TANC2: variants seen among roughly 807,000 people sequenced by gnomAD.
TANC2 encodes the protein tetratricopeptide repeat, ankyrin repeat and coiled-coil containing 2, also known as protein TANC2.
Under a neutral mutation model 210.5 loss-of-function variants are expected in TANC2, and 26 were observed. That is an observed-to-expected ratio of 0.12 (90% CI 0.09 to 0.17). The LOEUF (loss-of-function observed/expected upper bound fraction) is 0.17. Among genes scored for constraint, TANC2 ranks in the 10% least tolerant of loss-of-function variants. The pLI is 1.00. For missense variants in TANC2, 2,129 were observed against 2,608.9 expected (o/e 0.82, Z 4.01); for synonymous variants, 931 against 967.1 (o/e 0.96, Z 0.69).
intron 4 of TANC2, among the ~76,000 whole-genome samples, chr17:63,139,720 A>T (rs568295261): frequency 6.6e-6 from 1 of 152,280 alleles, no homozygotes; most frequent in African/African-American, 2.4e-5. Context: ...TGGGCAACAT[A>T]GTGAGACCCT....
intron 20 of TANC2, 140 bp downstream of exon 20, chr17:63,405,395 T>C (rs1199185449): frequency 2.4e-5 from 22 of 916,446 alleles, no homozygotes; most frequent in African/African-American, 3.3e-5. Flanking sequence ...ACCTTTGTTA[T>C]GAGTATTCTG....
intron 1 of TANC2, among the ~76,000 whole-genome samples, chr17:62,989,852 A>C (rs892318427): frequency 6.7e-6 from 1 of 148,746 alleles, no homozygotes; most frequent in African/African-American, 2.5e-5. Flanking sequence ...GCTCACTGCA[A>C]CCTCGTCTCC....
intron 7 of TANC2, among the ~76,000 whole-genome samples, chr17:63,214,913 G>A (rs978769278): frequency 1.3e-5 from 2 of 152,154 alleles, no homozygotes; most frequent in Non-Finnish European, 2.9e-5. Flanking sequence ...TGAGAGGGTA[G>A]GTTCTAAATC....
At chr17:63,004,666 G>A (rs535950864) in intron 1 of TANC2, 22 of 274,982 alleles carry the variant, frequency 8.0e-5, no homozygotes, top group South Asian at 7.3e-4. Flanking sequence ...ATTTCAAACC[G>A]TACAGTCACC....
intron 2 of TANC2, among the ~76,000 whole-genome samples, chr17:63,050,359 GAAAAAAA>G (rs755089558): frequency 5.9e-5 from 5 of 84,872 alleles, no homozygotes; most frequent in African/African-American, 2.0e-4. Context: ...CCTGTTTCAA[GAAAAAAA>G]AAAAAAAAAG....
At chr17:63,291,837 C>T (rs966958253) in intron 9 of TANC2, among the ~76,000 whole-genome samples, 1 of 151,994 alleles carries the variant, frequency 6.6e-6, no homozygotes, top group Non-Finnish European at 1.5e-5. Flanking sequence ...GCACTATAAA[C>T]AACAGTGGAA....
chr17:63,417,126 A>G (rs2048887924), intron 26 of TANC2, among the ~76,000 whole-genome samples: 1 of 152,244 alleles, frequency 6.6e-6, no homozygotes, highest in Admixed American at 6.5e-5. Flanking sequence ...TTCTAGCTCC[A>G]CATTTGTTCA....
intron 11 of TANC2, among the ~76,000 whole-genome samples, chr17:63,324,676 G>A (rs568588064): frequency 2.6e-5 from 4 of 152,168 alleles, no homozygotes; most frequent in African/African-American, 9.6e-5. Context: ...TAACACTGAC[G>A]TTTTACTGTC....
intron 6 of TANC2, among the ~76,000 whole-genome samples, chr17:63,197,462 A>G (rs936686293): frequency 1.2e-4 from 19 of 152,270 alleles, no homozygotes; most frequent in African/African-American, 4.6e-4. Context: ...TAATTTGGTG[A>G]CTTTTTTCTG....
chr17:63,319,769 G>T (rs938532916), intron 11 of TANC2, among the ~76,000 whole-genome samples: 8 of 151,998 alleles, frequency 5.3e-5, no homozygotes, highest in African/African-American at 1.9e-4. Flanking sequence ...TTATACATTT[G>T]AGTTTGAAAT....
chr17:63,002,185 T>G (rs1364512160), intron 1 of TANC2, among the ~76,000 whole-genome samples: 1 of 152,162 alleles, frequency 6.6e-6, no homozygotes, highest in African/African-American at 2.4e-5. Context: ...CTTTTGTATC[T>G]CAATGATTAA....
chr17:63,188,730 C>G (rs1470322357), intron 5 of TANC2, among the ~76,000 whole-genome samples: 1 of 152,048 alleles, frequency 6.6e-6, no homozygotes, highest in Non-Finnish European at 1.5e-5. Context: ...GTACATGGTT[C>G]TATCTGTACT....
intron 6 of TANC2, among the ~76,000 whole-genome samples, chr17:63,199,888 T>C (rs1225620587): frequency 6.6e-6 from 1 of 152,236 alleles, no homozygotes; most frequent in Non-Finnish European, 1.5e-5. Flanking sequence ...TATTTAGGTT[T>C]GTATTAAACT....
At chr17:63,317,032 G>A (rs1424157501) in intron 10 of TANC2, among the ~76,000 whole-genome samples, 1 of 151,758 alleles carries the variant, frequency 6.6e-6, no homozygotes, top group African/African-American at 2.4e-5. Context: ...GCTTGGATGG[G>A]TCATTTGGAA....
intron 1 of TANC2, among the ~76,000 whole-genome samples, chr17:62,979,517 G>A (rs1568291830): frequency 6.6e-6 from 1 of 152,060 alleles, no homozygotes; most frequent in Admixed American, 6.5e-5. Flanking sequence ...ATTTTTATTT[G>A]AAATAAATTT....
intron 2 of TANC2, among the ~76,000 whole-genome samples, chr17:63,042,090 A>G (rs190262166): frequency 6.6e-6 from 1 of 152,146 alleles, no homozygotes; most frequent in African/African-American, 2.4e-5. Context: ...ATAGTTGCAA[A>G]TTATAGTACC....
intron 9 of TANC2, among the ~76,000 whole-genome samples, chr17:63,304,982 C>G (rs1008708471): frequency 1.3e-5 from 2 of 152,216 alleles, no homozygotes; most frequent in African/African-American, 4.8e-5. Flanking sequence ...GCCGCCCATC[C>G]CCTGCCCAGG....
At chr17:63,377,335 C>T (rs1042098604) in intron 14 of TANC2, among the ~76,000 whole-genome samples, 1 of 152,170 alleles carries the variant, frequency 6.6e-6, no homozygotes, top group African/African-American at 2.4e-5. Flanking sequence ...TGTCAGGCTG[C>T]AAATTTTTCA....
chr17:63,093,266 CTG>C (rs2037270748), intron 3 of TANC2, among the ~76,000 whole-genome samples: 1 of 151,462 alleles, frequency 6.6e-6, no homozygotes, highest in African/African-American at 2.4e-5. Flanking sequence ...CATTTTCAGT[CTG>C]TGACTAATTT....
Sources: gnomAD v4.1 joint callset for allele counts (sites outside exome capture counted in the v4.1 genomes callset) on GRCh38, gnomAD v4.1.1 for gene constraint, MANE v1.5 for transcripts, NCBI Gene and HGNC (gene_info 2026-07-23, HGNC 2026-07-21) for gene names.